PELP1: variants seen among roughly 807,000 people sequenced by gnomAD.
The protein encoded by PELP1 is proline, glutamate and leucine rich protein 1.
In PELP1, 32 loss-of-function variants were observed where a neutral mutation model predicts 95.5. The observed-to-expected ratio is 0.34, with a 90% CI of 0.25 to 0.45. The LOEUF is 0.45. Ranked by LOEUF, PELP1 falls within the 20% of genes least tolerant of loss-of-function variation. The probability of loss-of-function intolerance (pLI) is 1.00; values close to 1 mark genes in which losing one functional copy is unlikely to be tolerated. For synonymous variants in PELP1, 668 were observed against 600.1 expected (o/e 1.11, Z -1.65); for missense variants, 1,358 against 1,444.8 (o/e 0.94, Z 0.97).
At chr17:4,687,155 G>C (rs983154373) in intron 3 of PELP1, among the ~76,000 whole-genome samples, 3 of 152,146 alleles carry the variant, frequency 2.0e-5, no homozygotes, top group Admixed American at 6.5e-5. Context: ...GCTGAAGTCA[G>C]ATTCTCCTGT....
Position 4,674,885 on chromosome 17 carries a change from A to C in PELP1, c.1346T>G (p.Leu449Arg). 1 of 1,613,742 alleles carries C rather than the reference A, an allele frequency of 6.2e-7. No individual in the cohort carries two copies. The highest frequency in any genetic ancestry group is 8.5e-7 in the Non-Finnish European group (1 of 1,179,804). ...GGCCTCTCCAGAGGCTCCTCCCTGA[A>C]GCATTCCCGCCGAGGCCCCACAAAC... ...VQVCGASAGM[L>R]QGGASGEALL... The change falls in exon 12 of 17, where the codon CTT (leucine) becomes CGT (arginine). Residue 449 changes from leucine (L) to arginine (R), a missense_variant. Transcript: ENST00000572293.
At chr17:4,694,894 C>T (rs73334476) in intron 1 of PELP1, among the ~76,000 whole-genome samples, 11,643 of 151,644 alleles carry the variant, frequency 0.077, 1,023 homozygotes, top group African/African-American at 0.2. Flanking sequence ...TCGCTTGAAC[C>T]TGAGAGAATC....
Position 4,671,478 on chromosome 17 carries a change from A to G in PELP1, c.3354T>C (p.Asp1118=). 6.2e-7 allele frequency: 1 copy of G among 1,610,316 alleles called. No individual in the cohort carries two copies. Among genetic ancestry groups the G allele is most frequent in the Non-Finnish European group, 8.5e-7 (1 of 1,176,520 alleles). Residue 1118 remains aspartate (D), a synonymous_variant, in exon 17 of 17, where the codon GAT becomes GAC. Transcript: ENST00000572293. ...MLADFIDCPP[D]DEKPPPPTEP... ...CTGTGGGAGGTGGTGGCTTCTCATC[A>G]TCAGGGGGACAATCGATGAAGTCGG...
chr17:4,673,090 CG>C lies in PELP1; in HGVS notation c.1900del (p.Arg634GlyfsTer76). 6.6e-7 allele frequency: 1 copy of C among 1,522,308 alleles called. No homozygotes were observed. The highest frequency in any genetic ancestry group is 8.8e-7 in the Non-Finnish European group (1 of 1,137,530). 94.3% of individuals were successfully genotyped at this position (1,522,308 alleles called of 1,614,324 possible). Reference protein sequence around the residue: ...LVTCAALTHPRVPPLQPMGPT... With the variant: ...LVTCAALTHPXVPPLQPMGPT... ...GCCCATGGGCTGCAGGGGAGGAACC[CG>C]GGGGTGGGTCAGAGCAGCACAGGTC... On this transcript the variant is annotated frameshift_variant, in exon 16 of 17. Transcript: ENST00000572293. LOFTEE classifies it high-confidence loss of function. The surrounding 1 kb of genome is among the most constrained non-coding windows in gnomAD (Gnocchi z 5.7).
At chr17:4,700,309 G>A (rs940588974) in intron 1 of PELP1, among the ~76,000 whole-genome samples, 1 of 152,132 alleles carries the variant, frequency 6.6e-6, no homozygotes, top group Non-Finnish European at 1.5e-5. Flanking sequence ...GGAGGCTGAG[G>A]CAGGAAGATT....
At chr17:4,676,322 C>CTA in intron 7 of PELP1, 35 bp downstream of exon 7, 1 of 1,605,968 alleles carries the variant, frequency 6.2e-7, no homozygotes, top group African/African-American at 1.3e-5. Flanking sequence ...CGCTTCCTCA[C>CTA]TATTGTTCCA....
At position 4,682,522 on chromosome 17, in the gene PELP1, G is replaced by A. The variant is rs757839852; in HGVS notation, c.622C>T (p.Arg208Trp). ...CTTACTTTGAGAGAACCACAAGCCC[G>A]AGGGAAATAGGTCATACAAGCCTTC... is the stretch of plus-strand genomic sequence containing the variant. Reference protein sequence around the residue: ...GMKACMTYFPRACGSLKGKLA... With the variant: ...GMKACMTYFPWACGSLKGKLA... The change falls in exon 5 of 17, where the codon CGG (arginine) becomes TGG (tryptophan). Residue 208 changes from arginine to tryptophan, a missense_variant. Arg to Trp is a moderately radical substitution (Grantham distance 101). Transcript: ENST00000572293. 52 of 1,611,692 alleles carry A rather than the reference G, an allele frequency of 3.2e-5. No individual in the cohort carries two copies. Among genetic ancestry groups the A allele is most frequent in the Non-Finnish European group, 3.7e-5 (44 of 1,177,920 alleles).
intron 1 of PELP1, among the ~76,000 whole-genome samples, chr17:4,697,684 A>T (rs1913348758): frequency 6.6e-6 from 1 of 152,220 alleles, no homozygotes; most frequent in African/African-American, 2.4e-5. Flanking sequence ...GACACCAGTG[A>T]TCTTCAAGAG....
intron 3 of PELP1, among the ~76,000 whole-genome samples, chr17:4,687,928 T>C (rs921479958): frequency 2.6e-5 from 4 of 152,214 alleles, no homozygotes; most frequent in East Asian, 1.9e-4. Context: ...CAGGGAAAAG[T>C]TGAAAGCATT....
In PELP1 at chr17:4,674,840, C is replaced by A. The variant is rs999849233; in HGVS notation, c.1391G>T (p.Ser464Ile). ...GGCATCAGCTGGCGGGGAGATGTCG[C>A]TGAGCAGGTGGGTGAGCAGGGCCTC... is the stretch of plus-strand genomic sequence containing the variant. ...SGEALLTHLL[S>I]DISPPADALK... The change falls in exon 12 of 17, where the codon AGC becomes ATC. Residue 464 changes from serine to isoleucine, a missense_variant. This residue lies in a region of PELP1 where 538 missense variants were observed against 628.1 expected (regional missense o/e 0.86). Transcript: ENST00000572293. The A allele has an allele frequency of 1.9e-6, 3 of 1,613,040 alleles. No individual in the cohort carries two copies. The highest frequency in any genetic ancestry group is 3.3e-5 in the Admixed American group (2 of 59,980).
chr17:4,676,226 T>A, intron 7 of PELP1, 64 bp from the exon 8 acceptor site: 1 of 1,596,754 alleles, frequency 6.3e-7, no homozygotes, highest in Non-Finnish European at 8.6e-7. Flanking sequence ...TCATTTCTGG[T>A]GGACGACCTG....
chr17:4,669,893 T>G lies in PELP1; in HGVS notation c.*1546A>C, dbSNP rs1386688824. ...AAACATTCTTATCTTAGAAGATAAT[T>G]CATGTTAAAGAATCTGGGATGGGAA... On this transcript the variant is annotated 3_prime_UTR_variant, in exon 17 of 17. Coordinates refer to ENST00000572293, the MANE Select transcript of PELP1 (RefSeq NM_014389.3). 1.3e-5 allele frequency: 2 copies of G among 152,188 alleles called. No homozygotes were observed. Among genetic ancestry groups the G allele is most frequent in the African/African-American group, 4.8e-5 (2 of 41,438 alleles). The allele number at this position is 152,188 out of a possible 1,614,324, so 9.4% of individuals were successfully genotyped here. A position where few individuals can be genotyped will look rare whatever the true frequency, so the allele number is the denominator to read the frequency against.
rs1912897209 is a variant in PELP1, at chr17:4,685,966, A to T, written c.421-3014T>A. 2.6e-5 allele frequency among the ~76,000 whole-genome samples: 4 copies of T among 152,008 alleles called. 1 individual carries two copies. In the South Asian group the frequency reaches 8.3e-4, roughly 32 times the overall value. ...ACAAAAATTAGCCGGGTGTGGTGAT[A>T]GGCGCCTGTAATCCCAGCTACTCAG... On this transcript the variant is annotated intron_variant, in intron 3 of 16. Transcript: ENST00000572293.
At position 4,700,841 on chromosome 17, in the gene PELP1, C is replaced by T. The variant is rs549884813; in HGVS notation, c.249+3022G>A. On this transcript the variant is annotated intron_variant, in intron 1 of 16. Transcript: ENST00000572293. ...TCGGGAGGCTGAGGTGGAAGGATTA[C>T]TTGAACCTGGGAGGTTGAGGCCAAG... is the stretch of plus-strand genomic sequence containing the variant. 4.7e-5 allele frequency among the ~76,000 whole-genome samples: 7 copies of T among 150,396 alleles called. No homozygotes were observed. The East Asian group carries it at 1.4e-3, about 29-fold the overall frequency.
rs1597454941 is a variant in PELP1 at position 4,690,762 on chromosome 17, C to G, written c.420+126G>C. 7.9e-6 allele frequency: 5 copies of G among 629,534 alleles called. No individual in the cohort carries two copies. In the East Asian group the frequency reaches 1.4e-4, roughly 18 times the overall value. The allele number at this position is 629,534 out of a possible 1,614,324, so 39.0% of individuals were successfully genotyped here. ...ATTTGAAGCTTATCCTCTCTGCTAT[C>G]AGGGAATTGTTTCCAATTATTCTGT... On this transcript the variant is annotated intron_variant, in intron 3 of 16. Coordinates refer to ENST00000572293, the MANE Select transcript of PELP1 (RefSeq NM_014389.3).
At position 4,669,994 on chromosome 17, in the gene PELP1, T is replaced by G. The variant is rs1190520399; in HGVS notation, c.*1445A>C. Reference sequence around the variant, plus strand: ...TGTGTATAACTACAGATGTATAGATTAGACAGATATATGGGTGTAATATAG... The same window carrying G: ...TGTGTATAACTACAGATGTATAGATGAGACAGATATATGGGTGTAATATAG... On this transcript the variant is annotated 3_prime_UTR_variant, in exon 17 of 17. Coordinates refer to ENST00000572293, the MANE Select transcript of PELP1 (RefSeq NM_014389.3). 1 of 152,130 alleles carries G rather than the reference T, an allele frequency of 6.6e-6. No homozygotes were observed. The highest frequency in any genetic ancestry group is 2.4e-5 in the African/African-American group (1 of 41,422). The allele number at this position is 152,130 out of a possible 1,614,324, so 9.4% of individuals were successfully genotyped here.
At chr17:4,701,061 T>C (rs1307824511) in intron 1 of PELP1, among the ~76,000 whole-genome samples, 3 of 147,532 alleles carry the variant, frequency 2.0e-5, no homozygotes, top group Non-Finnish European at 4.4e-5. Flanking sequence ...ACGTTCACTG[T>C]TAAATTTGAG....
In PELP1 at chr17:4,675,033, A is replaced by AC. The variant is rs376382091; in HGVS notation, c.1274+45dup. On this transcript the variant is annotated intron_variant, in intron 11 of 16. Coordinates refer to ENST00000572293, the MANE Select transcript of PELP1 (RefSeq NM_014389.3). The surrounding 1 kb of genome is among the most constrained non-coding windows in gnomAD (Gnocchi z 4.3). ...AGCCCCAGCCCACCTGCACCCCCTC[A>AC]CCCCCCTCTCCTCTTTATTCCCTTC... 1.7e-5 allele frequency: 27 copies of AC among 1,605,336 alleles called. No individual in the cohort carries two copies. In the African/African-American group the frequency reaches 2.8e-4, roughly 17 times the overall value.
At chr17:4,682,386 A>G (rs1372953698) in intron 5 of PELP1, 116 bp downstream of exon 5, 2 of 706,916 alleles carry the variant, frequency 2.8e-6, no homozygotes, top group Admixed American at 2.4e-5. Context: ...ACTTGTGGAG[A>G]TAGGTAACTT....
Sources: gnomAD v4.1 joint callset for allele counts (sites outside exome capture counted in the v4.1 genomes callset) on GRCh38, gnomAD v4.1.1 for gene constraint, gnomAD v4.1.1 regional missense constraint, Gnocchi (gnomAD v3.1) non-coding constraint, MANE v1.5 for transcripts, NCBI Gene and HGNC (gene_info 2026-07-23, HGNC 2026-07-21) for gene names.